NPRL3: variants seen among roughly 807,000 people sequenced by gnomAD.
NPRL3 encodes GATOR1 complex protein NPRL3.
In NPRL3, 23 loss-of-function variants were observed where a neutral mutation model predicts 57.2. The observed-to-expected ratio is 0.40, with a 90% CI of 0.29 to 0.57. The LOEUF (loss-of-function observed/expected upper bound fraction) is 0.57, where lower values mean the gene tolerates loss of function less well. Ranked by LOEUF, NPRL3 falls within the 20% of genes least tolerant of loss-of-function variation. The pLI is 0.42. For missense variants in NPRL3, 691 were observed against 767.1 expected, an observed-to-expected ratio of 0.90 and a Z score of 1.17; for synonymous variants, 333 against 321.1, an observed-to-expected ratio of 1.04 and a Z score of -0.39.
rs1314801614 is a variant in NPRL3 at position 86,721 on chromosome 16, T to G, written c.1694A>C (p.Gln565Pro). Reference protein sequence around the residue: ...THEDPVIAVFQALLP With the variant: ...THEDPVIAVFPALLP ...CGCCTGGGCTCAGGGGAGCAGAGCC[T>G]GGAAGACGGCAATGACAGGGTCCTC... The change falls in exon 14 of 14, where the codon CAG (glutamine) becomes CCG (proline). Residue 565 changes from glutamine to proline, a missense_variant. By Grantham distance (76) the Gln-to-Pro change is moderately conservative. Transcript: ENST00000611875. The G allele has an allele frequency of 1.3e-6, 2 of 1,560,602 alleles. No individual in the cohort carries two copies. The highest frequency in any genetic ancestry group is 1.9e-5 in the Admixed American group (1 of 51,604).
chr16:100,584 C>A, intron 7 of NPRL3, 75 bp from the exon 8 acceptor site: 1 of 1,320,574 alleles, frequency 7.6e-7, no homozygotes, highest in East Asian at 2.9e-5. Context: ...ACACCCTGCT[C>A]AATGGTGCTG....
intron 4 of NPRL3, among the ~76,000 whole-genome samples, chr16:118,212 T>C (rs770144608): frequency 4.6e-5 from 7 of 152,134 alleles, no homozygotes; most frequent in Non-Finnish European, 4.4e-5. Context: ...TGTAGCTAAA[T>C]CCTACGTTAC....
chr16:121,828 G>T (rs1212655596), intron 3 of NPRL3, among the ~76,000 whole-genome samples: 1 of 151,982 alleles, frequency 6.6e-6, no homozygotes, highest in Admixed American at 6.6e-5. Context: ...AGGCTGGAGT[G>T]CAATGACGTA....
chr16:96,909 C>T (rs904429216), intron 9 of NPRL3, among the ~76,000 whole-genome samples: 9 of 152,204 alleles, frequency 5.9e-5, no homozygotes, highest in African/African-American at 1.7e-4. Context: ...AGGCTGCTTT[C>T]GGGGAAAAGT....
At chr16:115,891 CACCACA>C (rs1900012387) in intron 5 of NPRL3, among the ~76,000 whole-genome samples, 3 of 152,214 alleles carry the variant, frequency 2.0e-5, no homozygotes, top group Non-Finnish European at 2.9e-5. Flanking sequence ...GTATAATAAT[CACCACA>C]TTGTTTAATC....
chr16:89,136 T>C lies in NPRL3; in HGVS notation c.1352-246A>G, dbSNP rs1005503191. ...TCAAGGGACCTGAACAGAGGTGCGA[T>C]GTGTGCCCCACAAACACCCCAAGGT... On this transcript the variant is annotated intron_variant, in intron 12 of 13. Transcript: ENST00000611875. 16 of 528,124 alleles carry C rather than the reference T, an allele frequency of 3.0e-5. No homozygotes were observed. In the South Asian group the frequency reaches 3.7e-4, roughly 12 times the overall value. 32.7% of individuals were successfully genotyped at this position (528,124 alleles called of 1,614,324 possible).
At chr16:117,562 G>C (rs1421154812) in intron 4 of NPRL3, among the ~76,000 whole-genome samples, 187 bp from the exon 5 acceptor site, 1 of 152,214 alleles carries the variant, frequency 6.6e-6, no homozygotes. Context: ...ACAAGAGTGG[G>C]AAGGTCAGTG....
At chr16:100,016 C>G (rs1228918476) in intron 8 of NPRL3, among the ~76,000 whole-genome samples, 1 of 148,660 alleles carries the variant, frequency 6.7e-6, no homozygotes, top group Non-Finnish European at 1.5e-5. Flanking sequence ...TAACTGAGAT[C>G]CCATGAGTGC....
At position 85,630 on chromosome 16, in the gene NPRL3, G is replaced by C. The variant is rs778204018; in HGVS notation, c.*1075C>G. 22 of 1,595,914 alleles carry C rather than the reference G, an allele frequency of 1.4e-5. No homozygotes were observed. The highest frequency in any genetic ancestry group is 1.9e-5 in the Non-Finnish European group (22 of 1,167,052). On this transcript the variant is annotated 3_prime_UTR_variant, in exon 14 of 14. Transcript: ENST00000611875. Reference sequence around the variant, plus strand: ...TATGGCTGGAGCGTGGTCCCCTGGAGCCCAGTGAGCCGGCTGTAGTGGCAG... The same window carrying C: ...TATGGCTGGAGCGTGGTCCCCTGGACCCCAGTGAGCCGGCTGTAGTGGCAG...
chr16:127,931 A>G (rs1489520880), intron 3 of NPRL3, among the ~76,000 whole-genome samples: 1 of 151,772 alleles, frequency 6.6e-6, no homozygotes, highest in Non-Finnish European at 1.5e-5. Flanking sequence ...CTGGGATTAC[A>G]GGCTTGAGCC....
chr16:120,483 T>A (rs1348773743), intron 3 of NPRL3, among the ~76,000 whole-genome samples: 1 of 152,208 alleles, frequency 6.6e-6, no homozygotes, highest in African/African-American at 2.4e-5. Context: ...AAATGGCAAG[T>A]AGCTACATGA....
rs746552103 is a variant in NPRL3 at position 88,787 on chromosome 16, G to A, written c.1455C>T (p.Asn485=). ...DSPLNQRMTE[N]LLASLSEHER... ...CATGCTCCGACAGGCTGGCCAGCAGGTTCTCCGTCATCCTCTGGTTCAGTG... is the reference window on the plus strand; with the variant it reads ...CATGCTCCGACAGGCTGGCCAGCAGATTCTCCGTCATCCTCTGGTTCAGTG... Residue 485 remains asparagine (N), a synonymous_variant, in exon 13 of 14, where the codon AAC becomes AAT. Transcript: ENST00000611875. 2 of 1,613,444 alleles carry A rather than the reference G, an allele frequency of 1.2e-6. No individual in the cohort carries two copies. The highest frequency in any genetic ancestry group is 2.7e-5 in the African/African-American group (2 of 74,920).
In NPRL3 at chr16:85,831, T is replaced by G; in HGVS notation, c.*874A>C. ...TAATTGTTTAAAAACCGAATAAATG[T>G]TTTATTTCTAGAAAACTGTGCCTTA... On this transcript the variant is annotated 3_prime_UTR_variant, in exon 14 of 14. Transcript: ENST00000611875. 7.0e-7 allele frequency: 1 copy of G among 1,430,166 alleles called. No individual in the cohort carries two copies. Among genetic ancestry groups the G allele is most frequent in the Non-Finnish European group, 9.2e-7 (1 of 1,089,396 alleles). The allele number at this position is 1,430,166 out of a possible 1,614,324, so 88.6% of individuals were successfully genotyped here.
rs567303087 is a variant in NPRL3, at chr16:99,433, A to G, written c.767+939T>C. Among the ~76,000 whole-genome samples, 93 of 152,224 alleles carry G rather than the reference A, an allele frequency of 6.1e-4. No individual in the cohort carries two copies. In the South Asian group the frequency reaches 0.017, roughly 29 times the overall value. ...GCCGAGGCGGGTGGATCACGAGGTC[A>G]GGAGTTCAAGACGAGCCTGGCCAAC... On this transcript the variant is annotated intron_variant, in intron 8 of 13. Transcript: ENST00000611875.
At chr16:117,165 G>A in intron 5 of NPRL3, 136 bp downstream of exon 5, 1 of 612,602 alleles carries the variant, frequency 1.6e-6, no homozygotes, top group South Asian at 2.1e-5. Flanking sequence ...ACAATGAAGT[G>A]CAGTCTGCCT....
In NPRL3 at chr16:100,226, T is replaced by C. The variant is rs1899217538; in HGVS notation, c.767+146A>G. ...ATACAAAATTATGTGTTTTAACTTC[T>C]ATAAACGGCAGAGCCCCACCTGCAA... is the stretch of plus-strand genomic sequence containing the variant. On this transcript the variant is annotated intron_variant, in intron 8 of 13. Transcript: ENST00000611875. The C allele has an allele frequency of 9.7e-6, 8 of 827,168 alleles. No individual in the cohort carries two copies. In the South Asian group the frequency reaches 1.6e-4, roughly 16 times the overall value. 51.2% of individuals were successfully genotyped at this position (827,168 alleles called of 1,614,324 possible). A position where few individuals can be genotyped will look rare whatever the true frequency, so the allele number is the denominator to read the frequency against.
chr16:115,316 G>T (rs900335223), intron 5 of NPRL3, among the ~76,000 whole-genome samples: 37 of 152,022 alleles, frequency 2.4e-4, no homozygotes, highest in African/African-American at 8.9e-4. Flanking sequence ...TATTTAAAAT[G>T]ACAAAAGTGT....
At position 88,834 on chromosome 16, in the gene NPRL3, G is replaced by A. The variant is rs754359888; in HGVS notation, c.1408C>T (p.Leu470=). Residue 470 remains leucine (L), a synonymous_variant, in exon 13 of 14, where the codon CTA becomes TTA. Transcript: ENST00000611875. ...AGTGGCGAGTCCCCGCTGGGAAGTAGCTCTGCGCTGGAGTTGTCCATGCTG... is the reference window on the plus strand; with the variant it reads ...AGTGGCGAGTCCCCGCTGGGAAGTAACTCTGCGCTGGAGTTGTCCATGCTG... ...SPSMDNSSAE[L]LPSGDSPLNQ... is the part of the protein sequence containing the mutation. 6.2e-7 allele frequency: 1 copy of A among 1,613,884 alleles called. No individual in the cohort carries two copies. The highest frequency in any genetic ancestry group is 1.1e-5 in the South Asian group (1 of 91,054).
chr16:131,834 G>T (rs1900819761), intron 2 of NPRL3, among the ~76,000 whole-genome samples: 1 of 152,128 alleles, frequency 6.6e-6, no homozygotes, highest in Non-Finnish European at 1.5e-5. Flanking sequence ...GACGTTGACA[G>T]CACTTTATCC....
Sources: gnomAD v4.1 joint callset for allele counts (sites outside exome capture counted in the v4.1 genomes callset) on GRCh38, gnomAD v4.1.1 for gene constraint, MANE v1.5 for transcripts, NCBI Gene and HGNC (gene_info 2026-07-23, HGNC 2026-07-21) for gene names.